Variants in PMS1 observed in about 807,000 individuals in gnomAD.
PMS1 encodes PMS1 homolog 1, mismatch repair system component.
In PMS1, 79 loss-of-function variants were observed where a neutral mutation model predicts 93.1. The observed-to-expected ratio is 0.85, with a 90% CI of 0.71 to 1.02. The LOEUF (loss-of-function observed/expected upper bound fraction) is 1.02. Ranked by LOEUF, PMS1 falls within the 50% of genes least tolerant of loss-of-function variation. The pLI, the probability that PMS1 is intolerant of heterozygous loss-of-function variation, is 0.00. For missense variants in PMS1, 1,064 were observed against 1,085.3 expected (o/e 0.98, Z 0.28); for synonymous variants, 335 against 363.4 (o/e 0.92, Z 0.89).
chr2:189,812,360 T>C (rs2050921984), intron 4 of PMS1, among the ~76,000 whole-genome samples: 1 of 152,110 alleles, frequency 6.6e-6, no homozygotes, highest in Non-Finnish European at 1.5e-5. Context: ...GTAAAAATGT[T>C]TAAAGAATGA....
chr2:189,854,282 A>G lies in PMS1; in HGVS notation c.1010A>G (p.Tyr337Cys), dbSNP rs909284752. 1.9e-6 allele frequency: 3 copies of G among 1,600,038 alleles called. No homozygotes were observed. Among genetic ancestry groups the G allele is most frequent in the Admixed American group, 1.7e-5 (1 of 57,720 alleles). The change falls in exon 9 of 13, where the codon TAT becomes TGT. Residue 337 changes from tyrosine to cysteine, a missense_variant. Tyr to Cys is a radical substitution (Grantham distance 194). Coordinates refer to ENST00000441310, the MANE Select transcript of PMS1 (RefSeq NM_000534.5). The stretch of plus-strand genomic sequence containing the variant: ...CTTGAAAATCTGATGACGACTTGTT[A>G]TGGACCATTACCTAGTACAAATTCT... Reference protein sequence around the residue: ...IALENLMTTCYGPLPSTNSYE... With the variant: ...IALENLMTTCCGPLPSTNSYE...
At position 189,805,665 on chromosome 2, in the gene PMS1, C is replaced by G. The variant is rs372752293; in HGVS notation, c.329C>G (p.Thr110Arg). 9.0e-5 allele frequency: 145 copies of G among 1,613,436 alleles called. No individual in the cohort carries two copies. The highest frequency in any genetic ancestry group is 1.2e-4 in the Admixed American group (7 of 59,984). Residue 110 changes from threonine to arginine, a missense_variant, in exon 4 of 13, where the codon ACA (threonine) becomes AGA (arginine). By Grantham distance (71) the Thr-to-Arg change is moderately conservative. Transcript: ENST00000441310. Reference sequence around the variant, plus strand: ...TTTTTCCCCCAGGTTTTAATTACAACAAGAACGGCTGCTGATAATTTTAGC... The same window carrying G: ...TTTTTCCCCCAGGTTTTAATTACAAGAAGAACGGCTGCTGATAATTTTAGC... ...ICCIAEVLIT[T>R]RTAADNFSTQ...
intron 11 of PMS1, among the ~76,000 whole-genome samples, chr2:189,869,960 G>T (rs1357265050): frequency 6.6e-6 from 1 of 151,834 alleles, no homozygotes; most frequent in East Asian, 1.9e-4. Flanking sequence ...TCAGCTCTTA[G>T]CTTGTAAGTA....
chr2:189,786,102 A>C (rs1221339971), intron 1 of PMS1, among the ~76,000 whole-genome samples: 1 of 152,154 alleles, frequency 6.6e-6, no homozygotes, highest in African/African-American at 2.4e-5. Context: ...CCTGGGCAAC[A>C]AAGTGAGACC....
At chr2:189,832,460 GA>G (rs1440829590) in intron 5 of PMS1, among the ~76,000 whole-genome samples, 2 of 151,970 alleles carry the variant, frequency 1.3e-5, no homozygotes, top group Non-Finnish European at 2.9e-5. Context: ...AGGCTGACCA[GA>G]AGGGTTTTCT....
intron 9 of PMS1, among the ~76,000 whole-genome samples, chr2:189,859,152 C>T (rs2106483121): frequency 6.6e-6 from 1 of 152,224 alleles, no homozygotes; most frequent in African/African-American, 2.4e-5. Flanking sequence ...AACCATTACT[C>T]GCCCCTTTGT....
At chr2:189,869,874 T>C (rs1014244016) in intron 11 of PMS1, among the ~76,000 whole-genome samples, 1 of 151,968 alleles carries the variant, frequency 6.6e-6, no homozygotes, top group East Asian at 1.9e-4. Context: ...AGGATAACTG[T>C]CCTTTCTTAC....
At chr2:189,790,492 A>G (rs1440339256) in intron 1 of PMS1, among the ~76,000 whole-genome samples, 1 of 152,206 alleles carries the variant, frequency 6.6e-6, no homozygotes, top group African/African-American at 2.4e-5. Context: ...GTTTGGACCA[A>G]GATGTAGTTG....
chr2:189,837,734 T>C lies in PMS1; in HGVS notation c.583-6230T>C, dbSNP rs866072541. On this transcript the variant is annotated intron_variant, in intron 5 of 12. Transcript: ENST00000441310. The stretch of plus-strand genomic sequence containing the variant: ...ATATGCCAACATAAAAACATGAACA[T>C]GCATGTTTATGGCAGCATCAGTTAT... 3.3e-5 allele frequency among the ~76,000 whole-genome samples: 5 copies of C among 152,116 alleles called. No homozygotes were observed. The South Asian group carries it at 1.0e-3, about 32-fold the overall frequency.
chr2:189,807,212 G>T (rs2050420348), intron 4 of PMS1, among the ~76,000 whole-genome samples: 1 of 152,018 alleles, frequency 6.6e-6, no homozygotes, highest in African/African-American at 2.4e-5. Flanking sequence ...ACATAAAGGA[G>T]AGAGTTAATA....
At chr2:189,848,087 A>G (rs954824156) in intron 6 of PMS1, among the ~76,000 whole-genome samples, 1 of 152,084 alleles carries the variant, frequency 6.6e-6, no homozygotes, top group African/African-American at 2.4e-5. Context: ...CTCCAGTGCT[A>G]CTTCAAACTG....
intron 3 of PMS1, among the ~76,000 whole-genome samples, chr2:189,797,338 A>G (rs1006443469): frequency 6.6e-6 from 1 of 152,226 alleles, no homozygotes; most frequent in Non-Finnish European, 1.5e-5. Flanking sequence ...TGCTTGGCAC[A>G]TTCACTTGCA....
intron 2 of PMS1, among the ~76,000 whole-genome samples, chr2:189,793,015 G>A (rs142808305): frequency 0.018 from 2,735 of 151,974 alleles, 69 homozygotes; most frequent in African/African-American, 0.057. Flanking sequence ...TCGCCATGTC[G>A]GCCAGTCTGG....
intron 5 of PMS1, among the ~76,000 whole-genome samples, chr2:189,826,765 A>G (rs1486195808): frequency 1.3e-5 from 2 of 152,048 alleles, no homozygotes; most frequent in Non-Finnish European, 2.9e-5. Flanking sequence ...ACAGCCTTTT[A>G]TAGGAGGGAG....
chr2:189,870,586 C>T (rs2057063254), intron 11 of PMS1, among the ~76,000 whole-genome samples: 1 of 152,166 alleles, frequency 6.6e-6, no homozygotes, highest in Non-Finnish European at 1.5e-5. Context: ...GCTCAATTTC[C>T]TTATTCGTTG....
In PMS1 at chr2:189,842,979, C is replaced by T. The variant is rs143418394; in HGVS notation, c.583-985C>T. On this transcript the variant is annotated intron_variant, in intron 5 of 12. Coordinates refer to ENST00000441310, the MANE Select transcript of PMS1 (RefSeq NM_000534.5). Reference sequence around the variant, plus strand: ...CAAAGTATTTATATATATATATATACACACACACATATATGTGTGTGTGTA... The same window carrying T: ...CAAAGTATTTATATATATATATATATACACACACATATATGTGTGTGTGTA... Among the ~76,000 whole-genome samples, 814 of 129,338 alleles carry T rather than the reference C, an allele frequency of 6.3e-3. 27 individuals carry two copies. Among genetic ancestry groups the T allele is most frequent in the Admixed American group, 0.055 (764 of 13,876 alleles). The allele number at this position is 129,338 out of a possible 152,430, so 84.9% of individuals were successfully genotyped here.
At chr2:189,829,903 A>G (rs2052769981) in intron 5 of PMS1, among the ~76,000 whole-genome samples, 1 of 152,168 alleles carries the variant, frequency 6.6e-6, no homozygotes, top group Admixed American at 6.5e-5. Flanking sequence ...GATTTTTGTA[A>G]TAGTATCCTA....
At chr2:189,838,965 C>G (rs1451053414) in intron 5 of PMS1, among the ~76,000 whole-genome samples, 1 of 151,998 alleles carries the variant, frequency 6.6e-6, no homozygotes, top group African/African-American at 2.4e-5. Context: ...AGCTGAGAGT[C>G]TCTGAGTTGG....
chr2:189,792,357 A>G (rs997428490), intron 2 of PMS1, among the ~76,000 whole-genome samples: 3 of 152,112 alleles, frequency 2.0e-5, no homozygotes, highest in Non-Finnish European at 4.4e-5. Context: ...AATATGGCCT[A>G]TATCACTCAT....
Sources: allele counts gnomAD v4.1 joint callset (sites outside exome capture counted in the v4.1 genomes callset), GRCh38; gene constraint gnomAD v4.1.1; transcripts MANE v1.5; gene names NCBI Gene and HGNC (gene_info 2026-07-23, HGNC 2026-07-21).